DPH6: variants seen among roughly 807,000 people sequenced by gnomAD.
DPH6 encodes diphthine--ammonia ligase.
A neutral mutation model predicts 38.2 loss-of-function variants in DPH6; 33 were observed. The ratio of observed to expected loss-of-function variants is 0.86; its 90% CI spans 0.65 to 1.15. The LOEUF (loss-of-function observed/expected upper bound fraction) is 1.15. DPH6 is among the 50% of genes most tolerant of loss of function. DPH6 has a pLI of 0.00. For missense variants in DPH6, 325 were observed against 320.0 expected (o/e 1.02, Z -0.12); for synonymous variants, 108 against 103.0 (o/e 1.05, Z -0.30).
chr15:35,483,084 A>G (rs1395638062), intron 3 of DPH6, among the ~76,000 whole-genome samples: 1 of 152,284 alleles, frequency 6.6e-6, no homozygotes, highest in South Asian at 2.1e-4. Flanking sequence ...AGATTTCACT[A>G]GACGCTCCAC....
intron 6 of DPH6, among the ~76,000 whole-genome samples, chr15:35,410,350 A>G (rs1367147142): frequency 1.3e-5 from 2 of 151,846 alleles, no homozygotes; most frequent in Admixed American, 1.3e-4. Flanking sequence ...TAATGTTTAG[A>G]ACATGTTTAG....
chr15:35,425,810 CATATAT>C (rs71741742), intron 5 of DPH6, among the ~76,000 whole-genome samples: 2 of 142,032 alleles, frequency 1.4e-5, no homozygotes, highest in African/African-American at 5.1e-5. Context: ...TATGACATGA[CATATAT>C]ATATATATAT....
At chr15:35,240,075 C>T (rs1311760712) in intron 3 of DPH6, among the ~76,000 whole-genome samples, 1 of 142,768 alleles carries the variant, frequency 7.0e-6, no homozygotes, top group Non-Finnish European at 1.5e-5. Flanking sequence ...CCTTCTTCTC[C>T]CTTAGCCTGT....
At chr15:35,264,785 T>C (rs1310772417) in intron 3 of DPH6, among the ~76,000 whole-genome samples, 1 of 152,208 alleles carries the variant, frequency 6.6e-6, no homozygotes, top group Non-Finnish European at 1.5e-5. Context: ...GAGATAAATA[T>C]GACATAGAAC....
At chr15:35,417,609 G>T (rs1256335622) in intron 5 of DPH6, among the ~76,000 whole-genome samples, 1 of 151,970 alleles carries the variant, frequency 6.6e-6, no homozygotes, top group Non-Finnish European at 1.5e-5. Flanking sequence ...ACCCACTTAC[G>T]TTTCTAAGCA....
At chr15:35,526,303 C>T (rs1265252721) in intron 3 of DPH6, among the ~76,000 whole-genome samples, 1 of 152,166 alleles carries the variant, frequency 6.6e-6, no homozygotes, top group Non-Finnish European at 1.5e-5. Flanking sequence ...GAAGAATCAG[C>T]AAATTCTGCA....
intron 6 of DPH6, among the ~76,000 whole-genome samples, chr15:35,386,890 G>A (rs541803360): frequency 3.3e-5 from 5 of 152,146 alleles, no homozygotes; most frequent in African/African-American, 9.6e-5. Context: ...CATTGCTTTC[G>A]GTGTTTTAGA....
chr15:35,262,732 A>T (rs1165000643), intron 3 of DPH6, among the ~76,000 whole-genome samples: 3 of 137,226 alleles, frequency 2.2e-5, no homozygotes, highest in Non-Finnish European at 4.9e-5. Context: ...AAAAAAAAAA[A>T]AAAAGATATC....
At chr15:35,175,923 CTG>C in the DPH6 span, among the ~76,000 whole-genome samples, 10 of 152,196 alleles carry the variant, frequency 6.6e-5, no homozygotes, top group Non-Finnish European at 1.5e-4. Flanking sequence ...GAAAATAAGT[CTG>C]AGAGAAACTC....
the DPH6 span, among the ~76,000 whole-genome samples, chr15:35,180,066 C>T: frequency 2.6e-4 from 40 of 151,946 alleles, no homozygotes; most frequent in African/African-American, 9.7e-4. Flanking sequence ...AATGATCTAA[C>T]GAAAGAATAT....
intron 3 of DPH6, among the ~76,000 whole-genome samples, chr15:35,303,035 C>T (rs543768629): frequency 6.6e-6 from 1 of 152,070 alleles, no homozygotes; most frequent in Non-Finnish European, 1.5e-5. Context: ...CTTTGTTCTA[C>T]AATTTAAGAA....
At chr15:35,537,838 T>C (rs1480711367) in intron 3 of DPH6, among the ~76,000 whole-genome samples, 5 of 152,126 alleles carry the variant, frequency 3.3e-5, no homozygotes, top group Non-Finnish European at 7.4e-5. Flanking sequence ...TATTTATTGT[T>C]TATTGTCTGT....
chr15:35,237,908 G>A, intron 3 of DPH6: 1 of 1,409,110 alleles, frequency 7.1e-7, no homozygotes. Flanking sequence ...GGAGGAAGGT[G>A]AAGAGGAGGA....
At chr15:35,338,053 C>T (rs909902161) in intron 3 of DPH6, among the ~76,000 whole-genome samples, 5 of 151,964 alleles carry the variant, frequency 3.3e-5, no homozygotes, top group African/African-American at 1.2e-4. Flanking sequence ...AAGACTTAAA[C>T]ATTAGACCTA....
chr15:35,235,074 C>CT lies in DPH6; in HGVS notation n.201-14493dup, dbSNP rs149463121. On this transcript the variant is annotated intron_variant and non_coding_transcript_variant, in intron 3 of 3. Coordinates refer to the DPH6 transcript ENST00000560386. ...CTATCTCTGGTATCTGGGAAACAAC[C>CT]TTTAGGAGATGTTGTCAGTGCTCTG... Among the ~76,000 whole-genome samples, 648 of 152,294 alleles carry CT rather than the reference C, an allele frequency of 4.3e-3. 6 individuals carry two copies. The highest frequency in any genetic ancestry group is 0.015 in the African/African-American group (612 of 41,570).
intron 3 of DPH6, among the ~76,000 whole-genome samples, chr15:35,474,399 G>C (rs146359059): frequency 6.6e-6 from 1 of 152,066 alleles, no homozygotes; most frequent in Non-Finnish European, 1.5e-5. Context: ...CTGAGGACCA[G>C]TTACATTCTT....
intron 3 of DPH6, among the ~76,000 whole-genome samples, chr15:35,474,977 G>T (rs1194446643): frequency 6.6e-6 from 1 of 151,436 alleles, no homozygotes; most frequent in East Asian, 1.9e-4. Flanking sequence ...AAAAGAAAAA[G>T]AAAAAACAGC....
At chr15:35,360,529 A>G in intron 3 of DPH6, among the ~76,000 whole-genome samples, 1 of 152,232 alleles carries the variant, frequency 6.6e-6, no homozygotes, top group Non-Finnish European at 1.5e-5. Context: ...GGGTGAGTTC[A>G]GCAGGCCTGT....
In DPH6 at chr15:35,410,818, C is replaced by G; in HGVS notation, c.567+17G>C. ...CCTTTAGATGGCTACATTTTGAGAT[C>G]TAGTATAAATTCTTACCTCTATGAG... On this transcript the variant is annotated intron_variant, in intron 6 of 8. Coordinates refer to ENST00000256538, the MANE Select transcript of DPH6 (RefSeq NM_080650.4). 1 of 1,575,002 alleles carries G rather than the reference C, an allele frequency of 6.3e-7. No individual in the cohort carries two copies. Among genetic ancestry groups the G allele is most frequent in the Non-Finnish European group, 8.6e-7 (1 of 1,163,566 alleles).
Sources: allele counts gnomAD v4.1 joint callset (sites outside exome capture counted in the v4.1 genomes callset), GRCh38; gene constraint gnomAD v4.1.1; transcripts MANE v1.5; gene names NCBI Gene and HGNC (gene_info 2026-07-23, HGNC 2026-07-21).